The following SVIL variants were observed in gnomAD, a reference collection of about 807,000 sequenced individuals.
SVIL encodes the protein archvillin.
SVIL carries 101 observed loss-of-function variants against 240.4 expected under a neutral mutation model. That is an observed-to-expected ratio of 0.42 (90% CI 0.36 to 0.50). The LOEUF (loss-of-function observed/expected upper bound fraction) is 0.50. Among genes scored for constraint, SVIL ranks in the 20% least tolerant of loss-of-function variants. The pLI is 0.01. For missense variants in SVIL, 2,512 were observed against 2,818.7 expected, an observed-to-expected ratio of 0.89 and a Z score of 2.46; for synonymous variants, 999 against 1,100.0, an observed-to-expected ratio of 0.91 and a Z score of 1.82.
chr10:29,598,900 A>G (rs1365554296), intron 1 of SVIL, among the ~76,000 whole-genome samples: 9 of 152,178 alleles, frequency 5.9e-5, no homozygotes, highest in Non-Finnish European at 2.9e-5. Flanking sequence ...GATTCTCACT[A>G]CATTCTTCTG....
chr10:29,551,261 G>C lies in SVIL; in HGVS notation c.163C>G (p.Arg55Gly), dbSNP rs778083349. The change falls in exon 6 of 38, where the codon CGA (arginine) becomes GGA (glycine). Residue 55 changes from arginine to glycine, a missense_variant and splice_region_variant. Arg to Gly is a moderately radical substitution (Grantham distance 125, BLOSUM62 -2). This residue lies in a region of SVIL where 1,443 missense variants were observed against 1,486.6 expected (regional missense o/e 0.97). Coordinates refer to ENST00000355867, the MANE Select transcript of SVIL (RefSeq NM_021738.3). ...ASDPASPHIG[R>G]SNEEEETSDS... ...GAAGTTTCCTCCTCTTCATTTGATCGGCCTACAAGAAGGTCACATGGATGA... is the reference window on the plus strand; with the variant it reads ...GAAGTTTCCTCCTCTTCATTTGATCCGCCTACAAGAAGGTCACATGGATGA... 6.3e-6 allele frequency: 10 copies of C among 1,586,314 alleles called. No individual in the cohort carries two copies. Among genetic ancestry groups the C allele is most frequent in the Non-Finnish European group, 8.6e-6 (10 of 1,168,844 alleles).
At chr10:29,631,156 A>G (rs1958074127) in intron 1 of SVIL, among the ~76,000 whole-genome samples, 1 of 152,242 alleles carries the variant, frequency 6.6e-6, no homozygotes, top group Non-Finnish European at 1.5e-5. Flanking sequence ...CTCCAGGGGC[A>G]TGAAAGACCC....
At chr10:29,499,055 T>A (rs192649064) in intron 18 of SVIL, 61 bp downstream of exon 18, 109 of 1,580,580 alleles carry the variant, frequency 6.9e-5, no homozygotes, top group East Asian at 5.7e-4. Flanking sequence ...CCTCCATGGG[T>A]AAGTGTGCTC....
chr10:29,678,765 G>A (rs202219951), intron 2 of SVIL, among the ~76,000 whole-genome samples: 1 of 152,158 alleles, frequency 6.6e-6, no homozygotes, highest in Non-Finnish European at 1.5e-5. Context: ...AGATGTGTGG[G>A]GGATATTAAA....
chr10:29,723,582 G>A (rs936666397), intron 1 of SVIL, among the ~76,000 whole-genome samples: 2 of 151,998 alleles, frequency 1.3e-5, no homozygotes, highest in East Asian at 1.9e-4. Flanking sequence ...TATAATAGGA[G>A]GAGGAAAATG....
chr10:29,591,946 T>G (rs559051109), intron 1 of SVIL, among the ~76,000 whole-genome samples: 1 of 152,226 alleles, frequency 6.6e-6, no homozygotes, highest in East Asian at 1.9e-4. Context: ...CTAATGCTCA[T>G]GGGACATAAA....
chr10:29,619,523 G>A (rs747238888), intron 1 of SVIL, among the ~76,000 whole-genome samples: 1 of 152,202 alleles, frequency 6.6e-6, no homozygotes, highest in Admixed American at 6.5e-5. Flanking sequence ...AGAGCTCCCT[G>A]GAAGTGTAAG....
intron 1 of SVIL, among the ~76,000 whole-genome samples, chr10:29,723,091 T>C (rs12268434): frequency 0.17 from 25,972 of 152,194 alleles, 2,881 homozygotes; most frequent in African/African-American, 0.3. Context: ...TTTATAAATG[T>C]AGGCGTGGTG....
chr10:29,663,544 C>T (rs1054403588), intron 2 of SVIL, among the ~76,000 whole-genome samples: 12 of 152,068 alleles, frequency 7.9e-5, no homozygotes, highest in African/African-American at 2.4e-4. Flanking sequence ...TTAGTAGAGA[C>T]GGGGTTTCAC....
At chr10:29,736,000 G>A (rs1232237199), upstream of SVIL, among the ~76,000 whole-genome samples, 3 of 152,166 alleles carry the variant, frequency 2.0e-5, no homozygotes, top group Non-Finnish European at 4.4e-5. The surrounding 1 kb of genome is among the most constrained non-coding windows in gnomAD (Gnocchi z 4.1). Flanking sequence ...GAGCACCCTC[G>A]GACTGGGCAA....
At chr10:29,526,305 C>CTTTTTTTTT (rs36004446) in intron 13 of SVIL, among the ~76,000 whole-genome samples, 8 of 115,028 alleles carry the variant, frequency 7.0e-5, no homozygotes, top group Non-Finnish European at 1.0e-4. Flanking sequence ...TTTTCTCTTT[C>CTTTTTTTTT]TTTTTTTTTT....
intron 6 of SVIL, among the ~76,000 whole-genome samples, chr10:29,540,125 C>T (rs1310109714): frequency 1.3e-5 from 2 of 152,168 alleles, no homozygotes. Flanking sequence ...CAGCATAATG[C>T]TTTGAAATGT....
Position 29,589,374 on chromosome 10 carries a change from G to A in SVIL, c.-200-20062C>T, listed in dbSNP as rs535746386. Among the ~76,000 whole-genome samples, 473 of 152,356 alleles carry A rather than the reference G, an allele frequency of 3.1e-3. 2 individuals are homozygous for A. Among genetic ancestry groups the A allele is most frequent in the Non-Finnish European group, 5.8e-3 (398 of 68,038 alleles). ...AACAGTGTGGTGGGAATCTGGAGGG[G>A]AGGAGAGCGGCTCTGGGCCCCCTGT... is the stretch of plus-strand genomic sequence containing the variant. On this transcript the variant is annotated intron_variant, in intron 1 of 37. Coordinates refer to ENST00000355867, the MANE Select transcript of SVIL (RefSeq NM_021738.3).
chr10:29,705,430 A>G (rs1962817615), intron 1 of SVIL, among the ~76,000 whole-genome samples: 1 of 152,164 alleles, frequency 6.6e-6, no homozygotes, highest in African/African-American at 2.4e-5. Flanking sequence ...ATCAGGGTCC[A>G]TACAGAAAGG....
chr10:29,697,035 C>A (rs1364709385), intron 1 of SVIL, among the ~76,000 whole-genome samples: 1 of 137,548 alleles, frequency 7.3e-6, no homozygotes. Context: ...GCCCCCCGCC[C>A]GGCCAGCCGC....
At chr10:29,463,067 G>A (rs578165595) in intron 35 of SVIL, among the ~76,000 whole-genome samples, 9 of 152,258 alleles carry the variant, frequency 5.9e-5, no homozygotes, top group African/African-American at 2.2e-4. Flanking sequence ...AAAAAGGTTG[G>A]CAATGGCCGT....
At chr10:29,687,627 C>T (rs929132078) in intron 1 of SVIL, among the ~76,000 whole-genome samples, 11 of 152,312 alleles carry the variant, frequency 7.2e-5, no homozygotes, top group South Asian at 2.1e-4. Context: ...TAGCCAAGAT[C>T]GCGCCACCGC....
intron 3 of SVIL, among the ~76,000 whole-genome samples, chr10:29,562,758 C>A (rs1423275688): frequency 1.8e-5 from 2 of 109,052 alleles, no homozygotes; most frequent in Non-Finnish European, 3.5e-5. Flanking sequence ...GAGACTCCGT[C>A]TCAAAAAAAA....
chr10:29,732,449 C>A (rs1964676694), intron 1 of SVIL, among the ~76,000 whole-genome samples: 1 of 151,858 alleles, frequency 6.6e-6, no homozygotes, highest in Non-Finnish European at 1.5e-5. Flanking sequence ...CATGTATATA[C>A]AATATAGAGT....
Sources: gnomAD v4.1 joint callset for allele counts (sites outside exome capture counted in the v4.1 genomes callset) on GRCh38, gnomAD v4.1.1 for gene constraint, gnomAD v4.1.1 regional missense constraint, Gnocchi (gnomAD v3.1) non-coding constraint, MANE v1.5 for transcripts, NCBI Gene and HGNC (gene_info 2026-07-23, HGNC 2026-07-21) for gene names.